DENND4C: variants seen among roughly 807,000 people sequenced by gnomAD.
DENND4C encodes the protein DENN domain containing 4C.
A neutral mutation model predicts 203.0 loss-of-function variants in DENND4C; 108 were observed. That is an observed-to-expected ratio of 0.53 (90% CI 0.46 to 0.62). The LOEUF (loss-of-function observed/expected upper bound fraction) is 0.62, where lower values mean the gene tolerates loss of function less well. Among genes scored for constraint, DENND4C ranks in the 20% least tolerant of loss-of-function variants. DENND4C has a pLI of 0.00. For synonymous variants in DENND4C, 871 were observed against 792.4 expected (o/e 1.10, Z -1.67); for missense variants, 2,481 against 2,301.2 (o/e 1.08, Z -1.60).
chr9:19,266,466 G>T (rs1830522587), intron 1 of DENND4C, among the ~76,000 whole-genome samples: 2 of 152,172 alleles, frequency 1.3e-5, no homozygotes, highest in South Asian at 4.1e-4. Flanking sequence ...AGTTGAATTA[G>T]ATCCCATTTG....
intron 26 of DENND4C, among the ~76,000 whole-genome samples, chr9:19,354,290 A>G (rs530645898): frequency 1.3e-5 from 2 of 152,310 alleles, no homozygotes; most frequent in East Asian, 3.9e-4. Flanking sequence ...TGCAAAATAC[A>G]TGTCCCCTTT....
chr9:19,336,888 T>G, intron 20 of DENND4C, 56 bp downstream of exon 20: 1 of 1,493,586 alleles, frequency 6.7e-7, no homozygotes, highest in Non-Finnish European at 9.0e-7. Flanking sequence ...AAATCTTTCC[T>G]TTTTCAAAAA....
chr9:19,337,139 A>G (rs1448945708), intron 20 of DENND4C, among the ~76,000 whole-genome samples: 1 of 152,240 alleles, frequency 6.6e-6, no homozygotes, highest in African/African-American at 2.4e-5. Flanking sequence ...TAGTGACACA[A>G]CTTGCAAATC....
chr9:19,342,743 G>A lies in DENND4C; in HGVS notation c.3115G>A (p.Gly1039Ser). The A allele has an allele frequency of 6.2e-7, 1 of 1,609,630 alleles. No homozygotes were observed. Among genetic ancestry groups the A allele is most frequent in the Non-Finnish European group, 8.5e-7 (1 of 1,178,048 alleles). Residue 1039 changes from glycine (G) to serine (S), a missense_variant, in exon 22 of 33, where the codon GGT (glycine) becomes AGT (serine). Around this residue, in one of 3 missense-constraint regions of DENND4C, gnomAD observed 2,289 missense variants for 2,113.3 expected, o/e 1.08. Transcript: ENST00000434457. ...CAGCAGTATTGTGAAAGTTCCGTCT[G>A]GTATATTTGATGTCAACAGCAGGAA... Reference protein sequence around the residue: ...WGSSIVKVPSGIFDVNSRKSS... With the variant: ...WGSSIVKVPSSIFDVNSRKSS...
At chr9:19,276,971 A>G (rs1416021628) in intron 2 of DENND4C, among the ~76,000 whole-genome samples, 1 of 151,930 alleles carries the variant, frequency 6.6e-6, no homozygotes, top group East Asian at 1.9e-4. Context: ...TACAGTTTTC[A>G]TGAAGTATCT....
chr9:19,273,832 G>A (rs1169934039), intron 1 of DENND4C, among the ~76,000 whole-genome samples: 2 of 151,902 alleles, frequency 1.3e-5, no homozygotes, highest in Non-Finnish European at 2.9e-5. Context: ...GAAAAAAATG[G>A]TACACTCCCT....
intron 23 of DENND4C, among the ~76,000 whole-genome samples, chr9:19,348,293 A>T (rs928053150): frequency 1.3e-5 from 2 of 152,214 alleles, no homozygotes; most frequent in Non-Finnish European, 2.9e-5. Context: ...AGTCAGAGAG[A>T]TTGGCTCTAG....
chr9:19,231,028 T>G (rs1820396170), intron 1 of DENND4C, among the ~76,000 whole-genome samples, 195 bp downstream of exon 1: 1 of 152,180 alleles, frequency 6.6e-6, no homozygotes, highest in South Asian at 2.1e-4. Context: ...CTCCGCGGTT[T>G]CCGGGGGCGG....
At chr9:19,252,144 C>T (rs951660921) in intron 1 of DENND4C, among the ~76,000 whole-genome samples, 2 of 152,114 alleles carry the variant, frequency 1.3e-5, no homozygotes, top group East Asian at 3.8e-4. Flanking sequence ...GCTGGGGAGG[C>T]CTCACAATCA....
chr9:19,352,647 A>G lies in DENND4C; in HGVS notation c.4763A>G (p.Asp1588Gly). 6.2e-7 allele frequency: 1 copy of G among 1,606,190 alleles called. No homozygotes were observed. Among genetic ancestry groups the G allele is most frequent in the Non-Finnish European group, 8.5e-7 (1 of 1,175,580 alleles). The change falls in exon 26 of 33, where the codon GAT becomes GGT. Residue 1588 changes from aspartate to glycine, a missense_variant. Asp to Gly is a moderately conservative substitution (Grantham distance 94). Transcript: ENST00000434457. ...CCTCTTCTCAATATAGAATTCAAAG[A>G]TTTGAGAGGTTCTGCAAGGTTAGTC... ...FLPLLNIEFK[D>G]LRGSASFFLK...
intron 1 of DENND4C, among the ~76,000 whole-genome samples, chr9:19,240,212 A>G (rs78672519): frequency 0.021 from 3,132 of 152,252 alleles, 117 homozygotes; most frequent in African/African-American, 0.071. Context: ...ATGATCCTAG[A>G]TGGTGTAGCA....
intron 2 of DENND4C, 138 bp from the exon 3 acceptor site, chr9:19,286,631 T>C (rs75354494): frequency 0.031 from 21,785 of 698,406 alleles, 422 homozygotes; most frequent in Non-Finnish European, 0.038. Flanking sequence ...TGGGAAACAA[T>C]AGGAGAGACC....
At chr9:19,235,359 A>G (rs1009085654) in intron 1 of DENND4C, among the ~76,000 whole-genome samples, 4 of 152,244 alleles carry the variant, frequency 2.6e-5, no homozygotes, top group Non-Finnish European at 5.9e-5. Context: ...AAACAAGGTG[A>G]AAGGCTGTAG....
At chr9:19,253,263 A>G (rs984404901) in intron 1 of DENND4C, among the ~76,000 whole-genome samples, 4 of 152,214 alleles carry the variant, frequency 2.6e-5, no homozygotes, top group African/African-American at 9.7e-5. Flanking sequence ...CAACTATTGG[A>G]TGGTTCCTAG....
intron 18 of DENND4C, among the ~76,000 whole-genome samples, chr9:19,336,000 G>A (rs926893136): frequency 3.3e-5 from 5 of 151,800 alleles, no homozygotes; most frequent in Non-Finnish European, 5.9e-5. Flanking sequence ...CTGTGTAGGG[G>A]TTCTTTTGTC....
intron 2 of DENND4C, among the ~76,000 whole-genome samples, chr9:19,280,011 T>C (rs958522427): frequency 5.9e-5 from 6 of 102,528 alleles, no homozygotes; most frequent in South Asian, 3.9e-4. Context: ...GTAGGAAATA[T>C]AGGAAAAAGA....
At chr9:19,349,251 T>C (rs923649456) in intron 23 of DENND4C, among the ~76,000 whole-genome samples, 2 of 151,930 alleles carry the variant, frequency 1.3e-5, no homozygotes, top group African/African-American at 4.8e-5. Context: ...TACAAAAAAA[T>C]ACAAAAATTA....
At chr9:19,347,623 T>A (rs1265788456) in intron 23 of DENND4C, among the ~76,000 whole-genome samples, 2 of 152,222 alleles carry the variant, frequency 1.3e-5, no homozygotes, top group Non-Finnish European at 2.9e-5. Flanking sequence ...TTGGTTTCTT[T>A]CTTGAAGTAA....
chr9:19,338,554 C>A (rs1444765338), intron 20 of DENND4C, among the ~76,000 whole-genome samples: 1 of 152,178 alleles, frequency 6.6e-6, no homozygotes, highest in African/African-American at 2.4e-5. Context: ...TGTAGAACTT[C>A]TGGCGATGCC....
Sources: allele counts gnomAD v4.1 joint callset (sites outside exome capture counted in the v4.1 genomes callset), GRCh38; gene constraint gnomAD v4.1.1; regional missense constraint gnomAD v4.1.1; transcripts MANE v1.5; gene names NCBI Gene and HGNC (gene_info 2026-07-23, HGNC 2026-07-21).